ZDHHC21: variants seen among roughly 807,000 people sequenced by gnomAD.
ZDHHC21 encodes the protein palmitoyltransferase ZDHHC21.
Under a neutral mutation model 34.6 loss-of-function variants are expected in ZDHHC21, and 15 were observed. The ratio of observed to expected loss-of-function variants is 0.43; its 90% CI spans 0.29 to 0.67. The LOEUF is 0.67. ZDHHC21 is among the 30% of genes least tolerant of loss of function. The probability of loss-of-function intolerance (pLI) is 0.14; values close to 1 mark genes in which losing one functional copy is unlikely to be tolerated. For synonymous variants in ZDHHC21, 142 were observed against 101.8 expected (o/e 1.40, Z -2.38); for missense variants, 344 against 327.7 (o/e 1.05, Z -0.38).
At chr9:14,646,176 G>A (rs1051658604) in intron 7 of ZDHHC21, among the ~76,000 whole-genome samples, 4 of 151,942 alleles carry the variant, frequency 2.6e-5, no homozygotes, top group African/African-American at 9.7e-5. Flanking sequence ...CGAATAAATG[G>A]CTTTATATTA....
At chr9:14,606,421 A>G (rs1045859690), downstream of ZDHHC21, among the ~76,000 whole-genome samples, 4 of 152,208 alleles carry the variant, frequency 2.6e-5, no homozygotes, top group Admixed American at 6.6e-5. Context: ...GTTCTGGATG[A>G]TAACCCAAGC....
At chr9:14,624,829 G>A (rs190604651) in intron 8 of ZDHHC21, among the ~76,000 whole-genome samples, 4 of 152,142 alleles carry the variant, frequency 2.6e-5, no homozygotes, top group East Asian at 3.9e-4. Context: ...AATGAAAAAC[G>A]TTTGAGGTGA....
At position 14,672,817 on chromosome 9, in the gene ZDHHC21, C is replaced by T; in HGVS notation, c.253+13G>A. On this transcript the variant is annotated intron_variant, in intron 5 of 9. Transcript: ENST00000380916. ...CTGGCATCAGCAAAACTGATAAATC[C>T]AGAGTACCATACCTCCATGTGGGAT... 6.3e-7 allele frequency: 1 copy of T among 1,576,428 alleles called. No individual in the cohort carries two copies.
downstream of ZDHHC21, among the ~76,000 whole-genome samples, chr9:14,608,144 G>A (rs1218992271): frequency 6.6e-6 from 1 of 152,106 alleles, no homozygotes; most frequent in Non-Finnish European, 1.5e-5. Flanking sequence ...GAGGATATGT[G>A]TTCTACAGCT....
intron 1 of ZDHHC21, among the ~76,000 whole-genome samples, chr9:14,691,756 A>C (rs540576803): frequency 6.6e-6 from 1 of 152,366 alleles, no homozygotes; most frequent in South Asian, 2.1e-4. Context: ...AAAATGATGA[A>C]TTCTGGAAGA....
In ZDHHC21 at chr9:14,624,371, C is replaced by T. The variant is rs527788288; in HGVS notation, c.622-4689G>A. Among the ~76,000 whole-genome samples, 205 of 152,128 alleles carry T rather than the reference C, an allele frequency of 1.3e-3. 2 individuals are homozygous for T. The highest frequency in any genetic ancestry group is 2.2e-3 in the Non-Finnish European group (150 of 67,972). On this transcript the variant is annotated intron_variant, in intron 8 of 9. Transcript: ENST00000380916. ...AGGAATAAAATCAGTATGTCAGAGT[C>T]CCATGTTTATTGCAGCACTCTTCAT... is the stretch of plus-strand genomic sequence containing the variant.
chr9:14,662,230 T>C lies in ZDHHC21; in HGVS notation c.350A>G (p.Asp117Gly). ...SRCGHCVRRM[D>G]HHCPWINNCV... ...TTATTCTTACCATGGACAGTGATGATCCATTCTCCTCACACAGTGGCCGCA... is the reference window on the plus strand; with the variant it reads ...TTATTCTTACCATGGACAGTGATGACCCATTCTCCTCACACAGTGGCCGCA... Residue 117 changes from aspartate (D) to glycine (G), a missense_variant, in exon 6 of 10, where the codon GAT becomes GGT. Coordinates refer to ENST00000380916, the MANE Select transcript of ZDHHC21 (RefSeq NM_178566.6). The C allele has an allele frequency of 1.2e-6, 2 of 1,610,002 alleles. No individual in the cohort carries two copies. The highest frequency in any genetic ancestry group is 1.7e-6 in the Non-Finnish European group (2 of 1,178,118).
chr9:14,620,535 C>T (rs767904092), intron 8 of ZDHHC21, among the ~76,000 whole-genome samples: 2 of 145,196 alleles, frequency 1.4e-5, no homozygotes, highest in Non-Finnish European at 3.0e-5. Flanking sequence ...CCTTACTTTA[C>T]CTTAACACTT....
chr9:14,659,660 T>C (rs1832985458), intron 6 of ZDHHC21, among the ~76,000 whole-genome samples: 1 of 152,222 alleles, frequency 6.6e-6, no homozygotes, highest in African/African-American at 2.4e-5. Context: ...TATTATACTG[T>C]CACTGAAAAA....
chr9:14,648,074 T>C (rs116166129), intron 7 of ZDHHC21, among the ~76,000 whole-genome samples: 369 of 152,232 alleles, frequency 2.4e-3, no homozygotes, highest in African/African-American at 8.4e-3. Context: ...CGGTAACTGG[T>C]ATCTCCATTC....
the ZDHHC21 span, among the ~76,000 whole-genome samples, chr9:14,599,681 C>T: frequency 6.6e-6 from 1 of 152,038 alleles, no homozygotes; most frequent in South Asian, 2.1e-4. Context: ...CCCCACAGAG[C>T]CCAGCAAGCT....
intron 7 of ZDHHC21, among the ~76,000 whole-genome samples, chr9:14,643,264 A>ATG (rs1587058690): frequency 6.6e-6 from 1 of 152,174 alleles, no homozygotes; most frequent in East Asian, 1.9e-4. Context: ...ATATATATAT[A>ATG]TAAAGAAGAA....
At chr9:14,589,761 GC>G in the ZDHHC21 span, 1 of 152,202 alleles carries the variant, frequency 6.6e-6, no homozygotes, top group East Asian at 1.9e-4. Context: ...AAGTAGCATA[GC>G]CTTTTCGACA....
At chr9:14,687,310 A>G (rs1350436426) in intron 2 of ZDHHC21, among the ~76,000 whole-genome samples, 1 of 150,786 alleles carries the variant, frequency 6.6e-6, no homozygotes, top group Non-Finnish European at 1.5e-5. Flanking sequence ...CTGAAATGAG[A>G]TTCGTATTTC....
In ZDHHC21 at chr9:14,661,073, G is replaced by A. The variant is rs548295419; in HGVS notation, c.365+1142C>T. ...ATAATTATTTACGTTTAAATTCAAGGCACAGTTTTGAATATCAACTATATG... is the reference window on the plus strand; with the variant it reads ...ATAATTATTTACGTTTAAATTCAAGACACAGTTTTGAATATCAACTATATG... On this transcript the variant is annotated intron_variant, in intron 6 of 9. Transcript: ENST00000380916. 9.9e-5 allele frequency among the ~76,000 whole-genome samples: 15 copies of A among 152,116 alleles called. No homozygotes were observed. The South Asian group carries it at 2.9e-3, about 30-fold the overall frequency.
chr9:14,673,542 C>T (rs1031011911), intron 4 of ZDHHC21, among the ~76,000 whole-genome samples: 1 of 149,096 alleles, frequency 6.7e-6, no homozygotes, highest in African/African-American at 2.5e-5. Context: ...AAAAAAAAAA[C>T]ATACTGTACA....
chr9:14,654,681 T>C (rs1464619613), intron 7 of ZDHHC21, among the ~76,000 whole-genome samples: 2 of 151,952 alleles, frequency 1.3e-5, no homozygotes, highest in African/African-American at 4.8e-5. Context: ...AAGTATCAAA[T>C]GGAAATTCTA....
At position 14,664,379 on chromosome 9, in the gene ZDHHC21, T is replaced by C. The variant is rs538696659; in HGVS notation, c.254-2053A>G. On this transcript the variant is annotated intron_variant, in intron 5 of 9. Transcript: ENST00000380916. ...TCCTATGCCCACGGAGTCTCGCTGA[T>C]TGCTAGCACAGCAGTCTGAGATCAA... Among the ~76,000 whole-genome samples, 12 of 151,090 alleles carry C rather than the reference T, an allele frequency of 7.9e-5. No individual in the cohort carries two copies. In the South Asian group the frequency reaches 1.7e-3, roughly 22 times the overall value.
chr9:14,642,979 C>T (rs1180502274), intron 7 of ZDHHC21, among the ~76,000 whole-genome samples: 2 of 152,184 alleles, frequency 1.3e-5, no homozygotes, highest in East Asian at 1.9e-4. Context: ...TGGCTCACGC[C>T]TGTAATCCCA....
Sources: gnomAD v4.1 joint callset for allele counts (sites outside exome capture counted in the v4.1 genomes callset) on GRCh38, gnomAD v4.1.1 for gene constraint, MANE v1.5 for transcripts, NCBI Gene and HGNC (gene_info 2026-07-23, HGNC 2026-07-21) for gene names.